ZC3H12A: variants seen among roughly 807,000 people sequenced by gnomAD.
ZC3H12A encodes the protein zinc finger CCCH-type containing 12A.
A neutral mutation model predicts 29.9 loss-of-function variants in ZC3H12A; 9 were observed. The observed-to-expected ratio is 0.30, with a 90% CI of 0.18 to 0.53. The LOEUF (loss-of-function observed/expected upper bound fraction) is 0.53. Ranked by LOEUF, ZC3H12A falls within the 20% of genes least tolerant of loss-of-function variation. ZC3H12A has a pLI of 0.96. For missense variants in ZC3H12A, 617 were observed against 799.0 expected (o/e 0.77, Z 2.75); for synonymous variants, 323 against 338.1 (o/e 0.96, Z 0.49).
In ZC3H12A at chr1:37,476,755, C is replaced by T. The variant is rs1346134013; in HGVS notation, c.443+816C>T. ...CCCAGACTTCTCCCGTCAATCCAGG[C>T]TCCACCCTCTGGCCCCACTTTTTTC... On this transcript the variant is annotated intron_variant, in intron 2 of 5. Transcript: ENST00000373087. This position sits in a 1 kb window ranked among gnomAD's most constrained non-coding sequence, Gnocchi z 6.0. Among the ~76,000 whole-genome samples the T allele has an allele frequency of 6.6e-6, 1 of 152,248 alleles. No individual in the cohort carries two copies. The highest frequency in any genetic ancestry group is 2.4e-5 in the African/African-American group (1 of 41,472).
chr1:37,483,421 G>A lies in ZC3H12A; in HGVS notation c.1610G>A (p.Gly537Glu). The stretch of plus-strand genomic sequence containing the variant: ...CAGGAGCCCCCAGTGCAGAGCCCAG[G>A]GGCTGGCAGGAGCCCGTGGGGCAGG... ...VLQEPPVQSP[G>E]AGRSPWGRAG... The change falls in exon 6 of 6, where the codon GGG becomes GAG. Residue 537 changes from glycine to glutamate, a missense_variant. By Grantham distance (98) the Gly-to-Glu change is moderately conservative (BLOSUM62 -2). Around this residue, in one of 5 missense-constraint regions of ZC3H12A, gnomAD observed 172 missense variants for 203.1 expected, o/e 0.85. Transcript: ENST00000373087. 1.9e-6 allele frequency: 3 copies of A among 1,614,028 alleles called. No homozygotes were observed. The South Asian group carries it at 3.3e-5, about 18-fold the overall frequency.
chr1:37,475,384 C>T lies in ZC3H12A; in HGVS notation c.-38-75C>T, dbSNP rs1017141854. 1.7e-6 allele frequency: 2 copies of T among 1,186,534 alleles called. No individual in the cohort carries two copies. Among genetic ancestry groups the T allele is most frequent in the African/African-American group, 3.1e-5 (2 of 65,470 alleles). 73.5% of individuals were successfully genotyped at this position (1,186,534 alleles called of 1,614,324 possible). ...GTGTGTAGTGCCACCAATCCCTCAT[C>T]CTGCTGGATGTGGTTTTGGGAGGGA... On this transcript the variant is annotated intron_variant, in intron 1 of 5. Transcript: ENST00000373087. This position sits in a 1 kb window ranked among gnomAD's most constrained non-coding sequence, Gnocchi z 5.2.
In ZC3H12A at chr1:37,479,239, G is replaced by C. The variant is rs140737982; in HGVS notation, c.444-1051G>C. On this transcript the variant is annotated intron_variant, in intron 2 of 5. Coordinates refer to ENST00000373087, the MANE Select transcript of ZC3H12A (RefSeq NM_025079.3). The surrounding 1 kb of genome is among the most constrained non-coding windows in gnomAD (Gnocchi z 4.5). ...TGTTACCTGGGAGCCCCAAGCCCCA[G>C]TCCCCCATCCCTCAGGAAATCCAGT... The C allele has an allele frequency of 1.3e-4, 127 of 985,408 alleles. No individual in the cohort carries two copies. In the East Asian group the frequency reaches 5.8e-3, roughly 45 times the overall value. The allele number at this position is 985,408 out of a possible 1,614,324, so 61.0% of individuals were successfully genotyped here. A position where few individuals can be genotyped will look rare whatever the true frequency, so the allele number is the denominator to read the frequency against.
chr1:37,477,937 C>T (rs1641623607), intron 2 of ZC3H12A, among the ~76,000 whole-genome samples: 1 of 152,108 alleles, frequency 6.6e-6, no homozygotes, highest in South Asian at 2.1e-4. Context: ...TGCTGAGAAC[C>T]GACTTGTCCC....
chr1:37,479,876 C>G lies in ZC3H12A; in HGVS notation c.444-414C>G, dbSNP rs1038876900. ...TGTCCCTGTGGTCCCGGCAGCTCGC[C>G]GGGTGGGGCAGGAACCAGAAGTCTC... On this transcript the variant is annotated intron_variant, in intron 2 of 5. Transcript: ENST00000373087. The surrounding 1 kb of genome is among the most constrained non-coding windows in gnomAD (Gnocchi z 4.5). 8 of 1,005,012 alleles carry G rather than the reference C, an allele frequency of 8.0e-6. 1 individual carries two copies. The highest frequency in any genetic ancestry group is 2.0e-4 in the East Asian group (2 of 9,880). The allele number at this position is 1,005,012 out of a possible 1,614,324, so 62.3% of individuals were successfully genotyped here.
At position 37,475,247 on chromosome 1, in the gene ZC3H12A, T is replaced by C. The variant is rs1261332572; in HGVS notation, c.-38-212T>C. ...GCCACCAGCTAACAGCTGGATGACCTTGAGCACGTTTTTAATGTCTGTGCC... is the reference window on the plus strand; with the variant it reads ...GCCACCAGCTAACAGCTGGATGACCCTGAGCACGTTTTTAATGTCTGTGCC... On this transcript the variant is annotated intron_variant, in intron 1 of 5. Transcript: ENST00000373087. The surrounding 1 kb of genome is among the most constrained non-coding windows in gnomAD (Gnocchi z 5.2). 3.3e-5 allele frequency among the ~76,000 whole-genome samples: 5 copies of C among 152,224 alleles called. No individual in the cohort carries two copies. Among genetic ancestry groups the C allele is most frequent in the Non-Finnish European group, 5.9e-5 (4 of 68,032 alleles).
chr1:37,484,375 C>T lies in ZC3H12A; in HGVS notation c.*764C>T, dbSNP rs1049076862. 1 of 152,154 alleles carries T rather than the reference C, an allele frequency of 6.6e-6. No homozygotes were observed. Among genetic ancestry groups the T allele is most frequent in the Non-Finnish European group, 1.5e-5 (1 of 68,030 alleles). 9.4% of individuals were successfully genotyped at this position (152,154 alleles called of 1,614,324 possible). A position where few individuals can be genotyped will look rare whatever the true frequency, so the allele number is the denominator to read the frequency against. ...AAAGTACAATCATTGTGAGCCCTTTCAAGAGGTGATTGTCTTTGTTATGCT... is the reference window on the plus strand; with the variant it reads ...AAAGTACAATCATTGTGAGCCCTTTTAAGAGGTGATTGTCTTTGTTATGCT... On this transcript the variant is annotated 3_prime_UTR_variant, in exon 6 of 6. Transcript: ENST00000373087.
chr1:37,480,640 C>T (rs542330275), intron 3 of ZC3H12A, among the ~76,000 whole-genome samples: 1 of 152,330 alleles, frequency 6.6e-6, no homozygotes, highest in East Asian at 1.9e-4. Context: ...ATCTGGAGCC[C>T]CTCCCTCATC....
chr1:37,479,786 C>T lies in ZC3H12A; in HGVS notation c.444-504C>T. 1.0e-6 allele frequency: 1 copy of T among 985,420 alleles called. No individual in the cohort carries two copies. Among genetic ancestry groups the T allele is most frequent in the Non-Finnish European group, 1.2e-6 (1 of 829,934 alleles). The allele number at this position is 985,420 out of a possible 1,614,324, so 61.0% of individuals were successfully genotyped here. A position where few individuals can be genotyped will look rare whatever the true frequency, so the allele number is the denominator to read the frequency against. Reference sequence around the variant, plus strand: ...CCTCGGTCAGCCCAGCCGGTGCTTCCCCCGCCCCCACCCACGCTGCAAGAG... The same window carrying T: ...CCTCGGTCAGCCCAGCCGGTGCTTCTCCCGCCCCCACCCACGCTGCAAGAG... On this transcript the variant is annotated intron_variant, in intron 2 of 5. Transcript: ENST00000373087. This position sits in a 1 kb window ranked among gnomAD's most constrained non-coding sequence, Gnocchi z 4.5.
At chr1:37,482,583 C>T in intron 5 of ZC3H12A, 43 bp downstream of exon 5, 2 of 1,609,718 alleles carry the variant, frequency 1.2e-6, no homozygotes, top group Non-Finnish European at 1.7e-6. Context: ...CTCACTCCTG[C>T]CCTTCCTCTC....
In ZC3H12A at chr1:37,478,162, AG is replaced by A. The variant is rs1407656367; in HGVS notation, c.444-2122del. 6.6e-6 allele frequency among the ~76,000 whole-genome samples: 1 copy of A among 152,044 alleles called. No individual in the cohort carries two copies. The highest frequency in any genetic ancestry group is 6.5e-5 in the Admixed American group (1 of 15,276). On this transcript the variant is annotated intron_variant, in intron 2 of 5. Coordinates refer to ENST00000373087, the MANE Select transcript of ZC3H12A (RefSeq NM_025079.3). This position sits in a 1 kb window ranked among gnomAD's most constrained non-coding sequence, Gnocchi z 5.2. ...AGAGGCAGGCCAGAAGGCCCAAGGA[AG>A]GGGGGTGATGTGATGGGGGAAGCAC...
chr1:37,484,310 A>G lies in ZC3H12A; in HGVS notation c.*699A>G, dbSNP rs944900298. On this transcript the variant is annotated 3_prime_UTR_variant, in exon 6 of 6. Coordinates refer to ENST00000373087, the MANE Select transcript of ZC3H12A (RefSeq NM_025079.3). ...TTGTGTGCACATGTAAATTTTAAAT[A>G]TTTTAAGCAGAAAGTCCTTACCTCC... is the stretch of plus-strand genomic sequence containing the variant. 2 of 152,222 alleles carry G rather than the reference A, an allele frequency of 1.3e-5. No homozygotes were observed. The highest frequency in any genetic ancestry group is 3.9e-4 in the East Asian group (2 of 5,192). 9.4% of individuals were successfully genotyped at this position (152,222 alleles called of 1,614,324 possible).
intron 2 of ZC3H12A, among the ~76,000 whole-genome samples, chr1:37,477,397 G>A (rs995723723): frequency 6.6e-6 from 1 of 152,294 alleles, no homozygotes; most frequent in African/African-American, 2.4e-5. Flanking sequence ...CACCCACCTC[G>A]GGGGTTTCTG....
Position 37,483,569 on chromosome 1 carries a change from T to G in ZC3H12A, c.1758T>G (p.Ala586=). ...FPQLLDPQQL[A]AEILSYKSQH... ...AGCTCCTGGACCCCCAGCAGCTGGC[T>G]GCCGAGATCCTCTCCTACAAGTCCC... The change falls in exon 6 of 6, where the codon GCT becomes GCG. Residue 586 remains alanine, a synonymous_variant. Coordinates refer to ENST00000373087, the MANE Select transcript of ZC3H12A (RefSeq NM_025079.3). 6.2e-7 allele frequency: 1 copy of G among 1,612,540 alleles called. No homozygotes were observed.
At position 37,475,143 on chromosome 1, in the gene ZC3H12A, C is replaced by T. The variant is rs1313322783; in HGVS notation, c.-38-316C>T. Among the ~76,000 whole-genome samples, 1 of 152,178 alleles carries T rather than the reference C, an allele frequency of 6.6e-6. No homozygotes were observed. Among genetic ancestry groups the T allele is most frequent in the East Asian group, 1.9e-4 (1 of 5,186 alleles). ...GAGCCCCGTCCCTGCCTTCTGGGTC[C>T]CCTGGGTTGGCGTGGGGGTTCGAGG... On this transcript the variant is annotated intron_variant, in intron 1 of 5. Coordinates refer to ENST00000373087, the MANE Select transcript of ZC3H12A (RefSeq NM_025079.3). This position sits in a 1 kb window ranked among gnomAD's most constrained non-coding sequence, Gnocchi z 5.2.
At position 37,482,723 on chromosome 1, in the gene ZC3H12A, G is replaced by C; in HGVS notation, c.926-14G>C. ...AGTGCCCCTGCTTAGAGTCCCTCTT[G>C]ATTCCTCTTCCAGGAAGGAAATGCA... On this transcript the variant is annotated splice_polypyrimidine_tract_variant and intron_variant, in intron 5 of 5. Coordinates refer to ENST00000373087, the MANE Select transcript of ZC3H12A (RefSeq NM_025079.3). The C allele has an allele frequency of 6.2e-7, 1 of 1,613,436 alleles. No individual in the cohort carries two copies. The highest frequency in any genetic ancestry group is 8.5e-7 in the Non-Finnish European group (1 of 1,180,022).
At position 37,475,994 on chromosome 1, in the gene ZC3H12A, A is replaced by T; in HGVS notation, c.443+55A>T. The T allele has an allele frequency of 7.0e-7, 1 of 1,435,456 alleles. No homozygotes were observed. Among genetic ancestry groups the T allele is most frequent in the Non-Finnish European group, 9.2e-7 (1 of 1,090,106 alleles). 88.9% of individuals were successfully genotyped at this position (1,435,456 alleles called of 1,614,324 possible). A position where few individuals can be genotyped will look rare whatever the true frequency, so the allele number is the denominator to read the frequency against. The stretch of plus-strand genomic sequence containing the variant: ...TGAGGTTCGCATCTCTCCTGTGGCC[A>T]GGACACATGGAAGGATGACTGTCTC... On this transcript the variant is annotated intron_variant, in intron 2 of 5. Transcript: ENST00000373087. The surrounding 1 kb of genome is among the most constrained non-coding windows in gnomAD (Gnocchi z 5.2).
rs1641714120 is a variant in ZC3H12A at position 37,481,832 on chromosome 1, A to G, written c.815A>G (p.Asp272Gly). The change falls in exon 4 of 6, where the codon GAC becomes GGC. Residue 272 changes from aspartate to glycine, a missense_variant. By Grantham distance (94) the Asp-to-Gly change is moderately conservative. This residue lies in a region of ZC3H12A where 255 missense variants were observed against 402.5 expected (regional missense o/e 0.63). Transcript: ENST00000373087. ...CTGCTCATGTACTCCTTCGTCAATG[A>G]CAAGTATGTTCCCTCCCAGAGGCCC... is the stretch of plus-strand genomic sequence containing the variant. ...ERLLMYSFVN[D>G]KFMPPDDPLG... is the part of the protein sequence containing the mutation. 1 of 1,613,290 alleles carries G rather than the reference A, an allele frequency of 6.2e-7. No homozygotes were observed.
chr1:37,483,602 CAGTG>C lies in ZC3H12A; in HGVS notation c.1795_1798del (p.Glu599LysfsTer24), dbSNP rs1641764213. The C allele has an allele frequency of 4.4e-6, 7 of 1,605,168 alleles. 1 individual carries two copies. In the Admixed American group the frequency reaches 1.2e-4, roughly 27 times the overall value. On this transcript the variant is annotated frameshift_variant, in exon 6 of 6. Coordinates refer to ENST00000373087, the MANE Select transcript of ZC3H12A (RefSeq NM_025079.3). LOFTEE classifies it high-confidence loss of function. ...TCCTCTCCTACAAGTCCCAGCACCC[CAGTG>C]AGTAAGCTGCCTGTGGCTGGCAAGG...
Sources: allele counts gnomAD v4.1 joint callset (sites outside exome capture counted in the v4.1 genomes callset), GRCh38; gene constraint gnomAD v4.1.1; regional missense constraint gnomAD v4.1.1; non-coding constraint Gnocchi (gnomAD v3.1); transcripts MANE v1.5; gene names NCBI Gene and HGNC (gene_info 2026-07-23, HGNC 2026-07-21).